ZBTB10: variants seen among roughly 807,000 people sequenced by gnomAD.
ZBTB10 encodes the protein zinc finger and BTB domain containing 10, also known as zinc finger and BTB domain-containing protein 10.
Under a neutral mutation model 76.4 loss-of-function variants are expected in ZBTB10, and 32 were observed. That is an observed-to-expected ratio of 0.42 (90% CI 0.32 to 0.56). The LOEUF (loss-of-function observed/expected upper bound fraction) is 0.56, where lower values mean the gene tolerates loss of function less well. Among genes scored for constraint, ZBTB10 ranks in the 20% least tolerant of loss-of-function variants. The pLI, the probability that ZBTB10 is intolerant of heterozygous loss-of-function variation, is 0.14. For missense variants in ZBTB10, 1,057 were observed against 1,098.5 expected (o/e 0.96, Z 0.53); for synonymous variants, 523 against 432.9 (o/e 1.21, Z -2.58).
chr8:80,510,896 CA>C (rs1225767993), intron 2 of ZBTB10, among the ~76,000 whole-genome samples: 1 of 151,946 alleles, frequency 6.6e-6, no homozygotes, highest in African/African-American at 2.4e-5. Context: ...AGATGATGAC[CA>C]AGAGTTGCTA....
intron 2 of ZBTB10, among the ~76,000 whole-genome samples, chr8:80,508,955 T>C (rs917847190): frequency 2.6e-5 from 4 of 152,104 alleles, no homozygotes; most frequent in African/African-American, 9.7e-5. Context: ...AGGTGGGGCA[T>C]GTACTGGGGG....
chr8:80,496,913 G>T (rs1039035285), intron 1 of ZBTB10, among the ~76,000 whole-genome samples: 1 of 152,126 alleles, frequency 6.6e-6, no homozygotes, highest in African/African-American at 2.4e-5. Context: ...ATAGTAGATT[G>T]AACACTGAAC....
In ZBTB10 at chr8:80,519,379, G is replaced by A; in HGVS notation, c.2467G>A (p.Gly823Arg). 6.2e-7 allele frequency: 1 copy of A among 1,613,006 alleles called. No homozygotes were observed. The highest frequency in any genetic ancestry group is 1.1e-5 in the South Asian group (1 of 90,944). Residue 823 changes from glycine to arginine, a missense_variant, in exon 6 of 6, where the codon GGA (glycine) becomes AGA (arginine). Physicochemically the swap from Gly to Arg is moderately radical, Grantham distance 125. Coordinates refer to ENST00000455036, the MANE Select transcript of ZBTB10 (RefSeq NM_001105539.3). The stretch of plus-strand genomic sequence containing the variant: ...AGGAGGGCAAGAAGGTGTAGATCAG[G>A]GACAGGATACAGAATTCCCTCGGGA... ...QPGGQEGVDQGQDTEFPRDEE... is the reference protein window; with the variant it reads ...QPGGQEGVDQRQDTEFPRDEE...
chr8:80,500,197 T>C lies in ZBTB10; in HGVS notation c.1676T>C (p.Ile559Thr), dbSNP rs1469848589. ...TCTGAAGGTCAAACAAAAGTGTTTA[T>C]TTGGAATAATATGGGCTCCCAGGGA... is the stretch of plus-strand genomic sequence containing the variant. The part of the protein sequence containing the change: ...NESEGQTKVF[I>T]WNNMGSQGIQ... Residue 559 changes from isoleucine (I) to threonine (T), a missense_variant, in exon 2 of 6, where the codon ATT becomes ACT. This residue lies in a region of ZBTB10 where 306 missense variants were observed against 297.5 expected (regional missense o/e 1.03). Coordinates refer to ENST00000455036, the MANE Select transcript of ZBTB10 (RefSeq NM_001105539.3). 1.9e-6 allele frequency: 3 copies of C among 1,605,002 alleles called. No homozygotes were observed. The highest frequency in any genetic ancestry group is 2.6e-6 in the Non-Finnish European group (3 of 1,175,132).
intron 3 of ZBTB10, among the ~76,000 whole-genome samples, chr8:80,514,629 G>A (rs1816283226): frequency 6.6e-6 from 1 of 152,208 alleles, no homozygotes; most frequent in South Asian, 2.1e-4. Context: ...ATGATTGGGT[G>A]AAAGATTGTT....
rs2131524450 is a variant in ZBTB10, at chr8:80,521,980, T to C, written c.*2452T>C. On this transcript the variant is annotated 3_prime_UTR_variant, in exon 6 of 6. Coordinates refer to ENST00000455036, the MANE Select transcript of ZBTB10 (RefSeq NM_001105539.3). ...ATCCAAAGGAAAAGTGTTTATACTC[T>C]TGAATATATTAGCCTCAGCCTATAT... 6.6e-6 allele frequency: 1 copy of C among 152,060 alleles called. No individual in the cohort carries two copies. Among genetic ancestry groups the C allele is most frequent in the African/African-American group, 2.4e-5 (1 of 41,568 alleles). 9.4% of individuals were successfully genotyped at this position (152,060 alleles called of 1,614,324 possible). A position where few individuals can be genotyped will look rare whatever the true frequency, so the allele number is the denominator to read the frequency against.
chr8:80,508,323 T>C (rs1029987877), intron 2 of ZBTB10, among the ~76,000 whole-genome samples: 2 of 152,228 alleles, frequency 1.3e-5, no homozygotes, highest in African/African-American at 4.8e-5. Flanking sequence ...GGTGACCAGA[T>C]AGTGTAAATT....
chr8:80,511,441 TA>T (rs1268785299), intron 2 of ZBTB10, among the ~76,000 whole-genome samples: 2 of 152,140 alleles, frequency 1.3e-5, no homozygotes, highest in African/African-American at 4.8e-5. Flanking sequence ...ATGACTTTTT[TA>T]AAAAAAGATT....
In ZBTB10 at chr8:80,518,465, T is replaced by C. The variant is rs1343496453; in HGVS notation, c.2023T>C (p.Leu675=). The C allele has an allele frequency of 6.4e-7, 1 of 1,553,260 alleles. No homozygotes were observed. Among genetic ancestry groups the C allele is most frequent in the Non-Finnish European group, 8.7e-7 (1 of 1,147,926 alleles). The change falls in exon 4 of 6, where the codon TTG becomes CTG. Residue 675 remains leucine (L), a synonymous_variant. Transcript: ENST00000455036. Reference sequence around the variant, plus strand: ...TCCTTCAAATGATTTCAAGTATGGATTGATACCAGGTACTTCAAATGATTT... The same window carrying C: ...TCCTTCAAATGATTTCAAGTATGGACTGATACCAGGTACTTCAAATGATTT... ...PGPSNDFKYG[L]IPGTSNDFKY...
intron 5 of ZBTB10, 103 bp downstream of exon 5, chr8:80,519,057 C>G: frequency 4.9e-6 from 7 of 1,428,964 alleles, no homozygotes; most frequent in Non-Finnish European, 6.5e-6. Flanking sequence ...GGAAGATTGT[C>G]TCCTAAATTG....
intron 1 of ZBTB10, among the ~76,000 whole-genome samples, chr8:80,497,472 T>TC (rs1815813158): frequency 1.7e-5 from 2 of 116,686 alleles, no homozygotes; most frequent in South Asian, 3.0e-4. Flanking sequence ...TATTATATGG[T>TC]GGGGGGGGGC....
Position 80,486,684 on chromosome 8 carries a change from AG to A in ZBTB10, c.-126del, listed in dbSNP as rs963068303. ...GCTGCCGGGCGAGAGGGCGAGGCCG[AG>A]CCCCGCGAGACCGGAACGCCGGGGG... On this transcript the variant is annotated 5_prime_UTR_variant, in exon 1 of 6. Transcript: ENST00000455036. The A allele has an allele frequency of 1.4e-4, 50 of 358,976 alleles. No homozygotes were observed. The highest frequency in any genetic ancestry group is 1.8e-4 in the Non-Finnish European group (47 of 260,168). The allele number at this position is 358,976 out of a possible 1,614,324, so 22.2% of individuals were successfully genotyped here. A position where few individuals can be genotyped will look rare whatever the true frequency, so the allele number is the denominator to read the frequency against.
In ZBTB10 at chr8:80,487,022, G is replaced by GCCT. The variant is rs1815484800; in HGVS notation, c.213_215dup (p.Leu72dup). The stretch of plus-strand genomic sequence containing the variant: ...GCCGACGAGGAAGTGGAATTGGAGG[G>GCCT]CCTGGAGCCCCAAGACCTGGAGGCC... On this transcript the variant is annotated inframe_insertion, in exon 1 of 6. Coordinates refer to ENST00000455036, the MANE Select transcript of ZBTB10 (RefSeq NM_001105539.3). The GCCT allele has an allele frequency of 2.6e-6, 4 of 1,518,040 alleles. No homozygotes were observed. Among genetic ancestry groups the GCCT allele is most frequent in the East Asian group, 5.3e-5 (2 of 37,798 alleles). 94.0% of individuals were successfully genotyped at this position (1,518,040 alleles called of 1,614,324 possible).
chr8:80,487,855 C>A (rs1428719556), intron 1 of ZBTB10, 73 bp downstream of exon 1: 5 of 1,464,512 alleles, frequency 3.4e-6, no homozygotes, highest in Non-Finnish European at 4.5e-6. Flanking sequence ...TTCACCCCCA[C>A]CCACCCCCGA....
At position 80,486,785 on chromosome 8, in the gene ZBTB10, G is replaced by GGGCGGCGGC. The variant is rs533117472; in HGVS notation, c.-15_-7dup. 1.7e-5 allele frequency: 23 copies of GGGCGGCGGC among 1,382,100 alleles called. No individual in the cohort carries two copies. Among genetic ancestry groups the GGGCGGCGGC allele is most frequent in the African/African-American group, 1.4e-4 (9 of 64,728 alleles). 85.6% of individuals were successfully genotyped at this position (1,382,100 alleles called of 1,614,324 possible). A position where few individuals can be genotyped will look rare whatever the true frequency, so the allele number is the denominator to read the frequency against. On this transcript the variant is annotated 5_prime_UTR_variant, in exon 1 of 6. Coordinates refer to ENST00000455036, the MANE Select transcript of ZBTB10 (RefSeq NM_001105539.3). ...GAGGCCGTGCGCGAGCCGGGGCACCGGGCGGCGGCGGCGGCGGCGCGCGCC... is the reference window on the plus strand; with the variant it reads ...GAGGCCGTGCGCGAGCCGGGGCACCGGGCGGCGGCGGCGGCGGCGGCGGCGGCGCGCGCC...
chr8:80,507,177 G>A (rs947351189), intron 2 of ZBTB10, among the ~76,000 whole-genome samples: 6 of 150,734 alleles, frequency 4.0e-5, no homozygotes, highest in East Asian at 2.0e-4. Context: ...GTGTGGTGGC[G>A]CGCGCCTGTA....
In ZBTB10 at chr8:80,521,541, G is replaced by T. The variant is rs1053757767; in HGVS notation, c.*2013G>T. The T allele has an allele frequency of 6.6e-6, 1 of 151,538 alleles. No individual in the cohort carries two copies. Among genetic ancestry groups the T allele is most frequent in the Admixed American group, 6.6e-5 (1 of 15,190 alleles). The allele number at this position is 151,538 out of a possible 1,614,324, so 9.4% of individuals were successfully genotyped here. On this transcript the variant is annotated 3_prime_UTR_variant, in exon 6 of 6. Transcript: ENST00000455036. ...ATATAAATATATATTAAAGAACAAA[G>T]ATATATATCTAAAAATCACCTAAAT...
At chr8:80,495,098 A>G (rs4587368) in intron 1 of ZBTB10, among the ~76,000 whole-genome samples, 9,800 of 149,624 alleles carry the variant, frequency 0.065, 335 homozygotes, top group African/African-American at 0.095. Flanking sequence ...TGGTTCTAAT[A>G]TTTGGGAGGG....
At chr8:80,486,162 C>T, upstream of ZBTB10, 5 of 1,097,500 alleles carry the variant, frequency 4.6e-6, no homozygotes, top group South Asian at 2.3e-5. Flanking sequence ...GCCCGGCCCC[C>T]ACCCTTTCCC....
Sources: allele counts gnomAD v4.1 joint callset (sites outside exome capture counted in the v4.1 genomes callset), GRCh38; gene constraint gnomAD v4.1.1; regional missense constraint gnomAD v4.1.1; transcripts MANE v1.5; gene names NCBI Gene and HGNC (gene_info 2026-07-23, HGNC 2026-07-21).